The following PML variants were observed in gnomAD, a reference collection of about 807,000 sequenced individuals.
PML encodes the protein protein PML.
A neutral mutation model predicts 65.2 loss-of-function variants in PML; 28 were observed. The ratio of observed to expected loss-of-function variants is 0.43; its 90% CI spans 0.32 to 0.59. The LOEUF (loss-of-function observed/expected upper bound fraction) is 0.59, where lower values mean the gene tolerates loss of function less well. Among genes scored for constraint, PML ranks in the 20% least tolerant of loss-of-function variants. The pLI is 0.08. For synonymous variants in PML, 500 were observed against 508.8 expected (o/e 0.98, Z 0.23); for missense variants, 1,021 against 1,203.4 (o/e 0.85, Z 2.24).
At chr15:74,001,279 CATT>C in intron 2 of PML, among the ~76,000 whole-genome samples, 1 of 151,804 alleles carries the variant, frequency 6.6e-6, no homozygotes, top group Non-Finnish European at 1.5e-5. Flanking sequence ...TAACTTTTGT[CATT>C]ATTCATTTTC....
intron 4 of PML, among the ~76,000 whole-genome samples, chr15:74,030,716 A>G (rs1042159978): frequency 1.3e-5 from 2 of 152,112 alleles, no homozygotes; most frequent in Non-Finnish European, 2.9e-5. Context: ...GTCCCGAGGT[A>G]TGTGACCTTG....
rs1410347513 is a variant in PML, at chr15:74,044,730, C to T, written c.2371C>T (p.Pro791Ser). 6.2e-7 allele frequency: 1 copy of T among 1,610,102 alleles called. No individual in the cohort carries two copies. The highest frequency in any genetic ancestry group is 1.3e-5 in the African/African-American group (1 of 75,050). ...LQPLVQAAVL[P>S]RAEARLLALH... ...GCCCCTGGTGCAGGCAGCTGTGCTG[C>T]CCCGGGCTGAGGCCCGCCTCCTGGC... The change falls in exon 9 of 9, where the codon CCC becomes TCC. Residue 791 changes from proline to serine, a missense_variant. Physicochemically the swap from Pro to Ser is moderately conservative, Grantham distance 74 (BLOSUM62 -1). Transcript: ENST00000268058.
chr15:74,021,809 G>A lies in PML; in HGVS notation c.603-1019G>A, dbSNP rs147801845. ...GAAATTACCTGAATGCCAGCAAAACGACAGTGATTGAATCAATTGTGGCCC... is the reference window on the plus strand; with the variant it reads ...GAAATTACCTGAATGCCAGCAAAACAACAGTGATTGAATCAATTGTGGCCC... On this transcript the variant is annotated intron_variant, in intron 2 of 8. Coordinates refer to ENST00000268058, the MANE Select transcript of PML (RefSeq NM_033238.3). Among the ~76,000 whole-genome samples the A allele has an allele frequency of 1.6e-3, 247 of 152,212 alleles. 1 individual carries two copies. The highest frequency in any genetic ancestry group is 7.7e-3 in the South Asian group (37 of 4,832).
At chr15:74,022,248 C>T (rs565391264) in intron 2 of PML, among the ~76,000 whole-genome samples, 8 of 152,192 alleles carry the variant, frequency 5.3e-5, no homozygotes, top group African/African-American at 1.2e-4. Flanking sequence ...TGAGCCACCG[C>T]GCCCGGCCGA....
intron 6 of PML, chr15:74,033,626 T>G: frequency 1.4e-6 from 1 of 703,128 alleles, no homozygotes; most frequent in Non-Finnish European, 2.6e-6. Flanking sequence ...GTGGGGAGCC[T>G]GACAGGCTAA....
rs1321493787 is a variant in PML at position 74,047,006 on chromosome 15, T to C, written c.*1998T>C. The stretch of plus-strand genomic sequence containing the variant: ...ACATGACAAGTGGGGAGACCCAGGG[T>C]AGGCTTTCCTTTGGATCATCTCCAA... On this transcript the variant is annotated 3_prime_UTR_variant, in exon 9 of 9. Coordinates refer to ENST00000268058, the MANE Select transcript of PML (RefSeq NM_033238.3). 1.7e-5 allele frequency: 4 copies of C among 229,230 alleles called. No individual in the cohort carries two copies. Among genetic ancestry groups the C allele is most frequent in the African/African-American group, 2.2e-5 (1 of 45,058 alleles). 14.2% of individuals were successfully genotyped at this position (229,230 alleles called of 1,614,324 possible).
chr15:74,022,641 A>G (rs1225650223), intron 2 of PML, among the ~76,000 whole-genome samples, 187 bp from the exon 3 acceptor site: 2 of 152,200 alleles, frequency 1.3e-5, no homozygotes, highest in Non-Finnish European at 2.9e-5. Flanking sequence ...AACTTTTTAT[A>G]CTCATGTGTT....
At chr15:74,021,737 GA>G (rs898212717) in intron 2 of PML, among the ~76,000 whole-genome samples, 6 of 137,740 alleles carry the variant, frequency 4.4e-5, no homozygotes, top group South Asian at 4.6e-4. Flanking sequence ...GGCACCAAAA[GA>G]AAAAAAAAAG....
rs1380705306 is a variant in PML at position 74,043,531 on chromosome 15, A to G, written c.1861+392A>G. ...CGTTTCTGAGTAGAGGGCCAATCCC[A>G]CAGGTGGCTGCACAGGGCTGCCCAC... On this transcript the variant is annotated intron_variant, in intron 8 of 8. Coordinates refer to ENST00000268058, the MANE Select transcript of PML (RefSeq NM_033238.3). This position sits in a 1 kb window ranked among gnomAD's most constrained non-coding sequence, Gnocchi z 4.3. Among the ~76,000 whole-genome samples the G allele has an allele frequency of 6.6e-6, 1 of 152,226 alleles. No homozygotes were observed. Among genetic ancestry groups the G allele is most frequent in the Non-Finnish European group, 1.5e-5 (1 of 68,040 alleles).
intron 2 of PML, among the ~76,000 whole-genome samples, chr15:74,005,575 T>A (rs1567120175): frequency 9.6e-6 from 1 of 104,312 alleles, no homozygotes; most frequent in Non-Finnish European, 2.4e-5. Flanking sequence ...TGTTGTGGGT[T>A]TTTTTCCCCC....
At chr15:74,012,802 A>G (rs1358021979) in intron 2 of PML, among the ~76,000 whole-genome samples, 2 of 143,922 alleles carry the variant, frequency 1.4e-5, no homozygotes, top group Non-Finnish European at 3.0e-5. Context: ...TGAGCTCTTA[A>G]TTGGATAGAT....
intron 7 of PML, chr15:74,034,957 G>A (rs182535198): frequency 1.6e-4 from 235 of 1,469,804 alleles, no homozygotes; most frequent in Admixed American, 2.1e-4. Context: ...AACAAGTGAG[G>A]TTTGACTCCA....
intron 4 of PML, chr15:74,028,280 G>A (rs967938677): frequency 6.6e-6 from 1 of 151,934 alleles, no homozygotes; most frequent in Admixed American, 6.6e-5. Flanking sequence ...TTTTATTAAC[G>A]TGGATGGAGG....
Position 74,011,123 on chromosome 15 carries a change from C to T in PML, c.603-11705C>T, listed in dbSNP as rs2070314386. 2.0e-5 allele frequency among the ~76,000 whole-genome samples: 3 copies of T among 152,188 alleles called. No individual in the cohort carries two copies. In the South Asian group the frequency reaches 6.2e-4, roughly 32 times the overall value. On this transcript the variant is annotated intron_variant, in intron 2 of 8. Transcript: ENST00000268058. ...CTTTCTTCCAAGACTGGTCCATTCA[C>T]AGAAGGGTTTACTCCTCATGGGTGC...
Position 74,003,021 on chromosome 15 carries a change from G to A in PML, c.602+4545G>A, listed in dbSNP as rs117368255. ...CATGCCTCTCGTCCCAGCTATTCGGGAGGTGGAGGTATTCCTCAGAGAGGA... is the reference window on the plus strand; with the variant it reads ...CATGCCTCTCGTCCCAGCTATTCGGAAGGTGGAGGTATTCCTCAGAGAGGA... On this transcript the variant is annotated intron_variant, in intron 2 of 8. Transcript: ENST00000268058. 8.9e-4 allele frequency among the ~76,000 whole-genome samples: 135 copies of A among 152,278 alleles called. 1 individual carries two copies. In the East Asian group the frequency reaches 0.023, roughly 26 times the overall value.
In PML at chr15:74,033,321, C is replaced by T; in HGVS notation, c.1564C>T (p.Leu522=). 6.2e-7 allele frequency: 1 copy of T among 1,614,202 alleles called. No homozygotes were observed. Among genetic ancestry groups the T allele is most frequent in the African/African-American group, 1.3e-5 (1 of 75,052 alleles). ...STSKAVSPPH[L]DGPPSPRSPV... ...CTCCAAGGCAGTCTCACCACCCCACCTGGATGGACCGCCTAGCCCCAGGAG... is the reference window on the plus strand; with the variant it reads ...CTCCAAGGCAGTCTCACCACCCCACTTGGATGGACCGCCTAGCCCCAGGAG... Residue 522 remains leucine (L), a synonymous_variant, in exon 6 of 9, where the codon CTG becomes TTG. Coordinates refer to ENST00000268058, the MANE Select transcript of PML (RefSeq NM_033238.3).
chr15:73,998,812 A>G (rs2141711557), intron 2 of PML, among the ~76,000 whole-genome samples: 1 of 152,298 alleles, frequency 6.6e-6, no homozygotes, highest in African/African-American at 2.4e-5. Flanking sequence ...GATACATGTT[A>G]CCAAACTGCC....
chr15:74,024,802 A>G (rs1188996251), intron 3 of PML, 55 bp from the exon 4 acceptor site: 5 of 1,246,546 alleles, frequency 4.0e-6, no homozygotes. Flanking sequence ...CCAGGTCAGG[A>G]TGTCCCTTAC....
chr15:74,034,825 G>A, intron 7 of PML: 1 of 1,436,952 alleles, frequency 7.0e-7, no homozygotes, highest in African/African-American at 1.4e-5. Context: ...GCTTCCTTAT[G>A]CATTTTCTGT....
Sources: gnomAD v4.1 joint callset for allele counts (sites outside exome capture counted in the v4.1 genomes callset) on GRCh38, gnomAD v4.1.1 for gene constraint, Gnocchi (gnomAD v3.1) non-coding constraint, MANE v1.5 for transcripts, NCBI Gene and HGNC (gene_info 2026-07-23, HGNC 2026-07-21) for gene names.